The following BCL3 variants were observed in gnomAD, a reference collection of about 807,000 sequenced individuals.
The protein encoded by BCL3 is BCL3 transcription coactivator.
A neutral mutation model predicts 35.7 loss-of-function variants in BCL3; 15 were observed. The ratio of observed to expected loss-of-function variants is 0.42; its 90% CI spans 0.28 to 0.65. The LOEUF is 0.65. BCL3 is among the 30% of genes least tolerant of loss of function. BCL3 has a pLI of 0.22. For synonymous variants in BCL3, 311 were observed against 284.3 expected, an observed-to-expected ratio of 1.09 and a Z score of -0.95; for missense variants, 565 against 641.7, an observed-to-expected ratio of 0.88 and a Z score of 1.29.
upstream of BCL3, among the ~76,000 whole-genome samples, chr19:44,748,317 A>G (rs985930932): frequency 6.6e-6 from 1 of 152,206 alleles, no homozygotes; most frequent in Non-Finnish European, 1.5e-5. Context: ...CTACTCAGAC[A>G]GGAGAACCAG....
chr19:44,756,509 G>A (rs1343979761), intron 3 of BCL3, among the ~76,000 whole-genome samples, 169 bp downstream of exon 3: 1 of 149,742 alleles, frequency 6.7e-6, no homozygotes, highest in South Asian at 2.1e-4. Context: ...ATGGAGGAGG[G>A]CTGCGGGCCT....
Position 44,757,411 on chromosome 19 carries a change from C to G in BCL3, c.809C>G (p.Ala270Gly). 3.8e-6 allele frequency: 6 copies of G among 1,593,474 alleles called. No individual in the cohort carries two copies. The highest frequency in any genetic ancestry group is 5.1e-6 in the Non-Finnish European group (6 of 1,170,786). The change falls in exon 5 of 9, where the codon GCA becomes GGA. Residue 270 changes from alanine (A) to glycine (G), a missense_variant. Around this residue, in one of 5 missense-constraint regions of BCL3, gnomAD observed 103 missense variants for 106.7 expected, o/e 0.97. Coordinates refer to ENST00000164227, the MANE Select transcript of BCL3 (RefSeq NM_005178.5). This position sits in a 1 kb window ranked among gnomAD's most constrained non-coding sequence, Gnocchi z 8.4. ...LLLERGADID[A>G]VDIKSGRSPL... ...CTAGAGCGCGGTGCCGACATCGACG[C>G]AGTGGTGAGCGTGCACTAGGAGCTG...
At chr19:44,747,713 C>T, upstream of BCL3, 1 of 649,906 alleles carries the variant, frequency 1.5e-6, no homozygotes, top group East Asian at 5.5e-5. Flanking sequence ...CCAAACTGCT[C>T]CCCGCTCCTG....
chr19:44,748,751 C>T lies in BCL3; in HGVS notation c.-40C>T. Reference sequence around the variant, plus strand: ...CGGCGAAACCACCCTCCCGTGCAGCCGAGCCCAGCCGCTCTCCGGCCGCCG... The same window carrying T: ...CGGCGAAACCACCCTCCCGTGCAGCTGAGCCCAGCCGCTCTCCGGCCGCCG... On this transcript the variant is annotated 5_prime_UTR_variant, in exon 1 of 9. Coordinates refer to ENST00000164227, the MANE Select transcript of BCL3 (RefSeq NM_005178.5). The T allele has an allele frequency of 9.2e-7, 1 of 1,085,038 alleles. No individual in the cohort carries two copies. The highest frequency in any genetic ancestry group is 1.1e-6 in the Non-Finnish European group (1 of 894,236). The allele number at this position is 1,085,038 out of a possible 1,614,324, so 67.2% of individuals were successfully genotyped here.
Position 44,757,395 on chromosome 19 carries a change from G to T in BCL3, c.793G>T (p.Gly265Cys). The change falls in exon 5 of 9, where the codon GGT becomes TGT. Residue 265 changes from glycine (G) to cysteine (C), a missense_variant. Gly to Cys is a radical substitution (Grantham distance 159). Coordinates refer to ENST00000164227, the MANE Select transcript of BCL3 (RefSeq NM_005178.5). The surrounding 1 kb of genome is among the most constrained non-coding windows in gnomAD (Gnocchi z 8.4). ...AACCGTGCAGCTCTTGCTAGAGCGC[G>T]GTGCCGACATCGACGCAGTGGTGAG... Reference protein sequence around the residue: ...QETVQLLLERGADIDAVDIKS... With the variant: ...QETVQLLLERCADIDAVDIKS... The T allele has an allele frequency of 6.2e-7, 1 of 1,602,698 alleles. No homozygotes were observed. Among genetic ancestry groups the T allele is most frequent in the Non-Finnish European group, 8.5e-7 (1 of 1,174,858 alleles).
At position 44,757,564 on chromosome 19, in the gene BCL3, C is replaced by T. The variant is rs1599843208; in HGVS notation, c.814-82C>T. 1.9e-6 allele frequency: 3 copies of T among 1,555,874 alleles called. No individual in the cohort carries two copies. The highest frequency in any genetic ancestry group is 2.7e-6 in the Non-Finnish European group (3 of 1,132,046). ...GACCCAAGAGAGAGGCTGGACCCCG[C>T]GAATGGGATGTGGACGGGATGCGGG... On this transcript the variant is annotated intron_variant, in intron 5 of 8. Coordinates refer to ENST00000164227, the MANE Select transcript of BCL3 (RefSeq NM_005178.5). This position sits in a 1 kb window ranked among gnomAD's most constrained non-coding sequence, Gnocchi z 8.4.
At chr19:44,756,021 G>A (rs1478736346) in intron 2 of BCL3, 5 of 382,732 alleles carry the variant, frequency 1.3e-5, no homozygotes, top group Non-Finnish European at 2.3e-5. Flanking sequence ...GGATGGAACT[G>A]TACTAGACCA....
chr19:44,759,220 C>T (rs1410140421), intron 8 of BCL3, among the ~76,000 whole-genome samples: 17 of 146,422 alleles, frequency 1.2e-4, no homozygotes, highest in Admixed American at 6.1e-4. Context: ...TTCTGACCCC[C>T]GGCCCCTCTT....
chr19:44,756,476 T>C (rs921117516), intron 3 of BCL3, 136 bp downstream of exon 3: 15 of 593,282 alleles, frequency 2.5e-5, no homozygotes, highest in Non-Finnish European at 3.9e-5. Flanking sequence ...GAGGAGGGAC[T>C]GGTGCCTGGA....
chr19:44,757,675 C>G lies in BCL3; in HGVS notation c.843C>G (p.Ile281Met). ...VDIKSGRSPL[I>M]HAVENNSLSM... is the part of the protein sequence containing the mutation. ...TTAAGAGCGGCCGCTCCCCGCTCAT[C>G]CACGCCGTGGAAAACAACAGCCTTA... The change falls in exon 6 of 9, where the codon ATC becomes ATG. Residue 281 changes from isoleucine to methionine, a missense_variant. This residue lies in a region of BCL3 where 103 missense variants were observed against 106.7 expected (regional missense o/e 0.97). Transcript: ENST00000164227. The surrounding 1 kb of genome is among the most constrained non-coding windows in gnomAD (Gnocchi z 8.4). The G allele has an allele frequency of 6.2e-7, 1 of 1,613,928 alleles. No homozygotes were observed. The highest frequency in any genetic ancestry group is 8.5e-7 in the Non-Finnish European group (1 of 1,179,922).
rs1967374814 is a variant in BCL3 at position 44,759,334 on chromosome 19, C to A, written c.1178-94C>A. 3 of 931,904 alleles carry A rather than the reference C, an allele frequency of 3.2e-6. No homozygotes were observed. The East Asian group carries it at 8.2e-5, about 25-fold the overall frequency. The allele number at this position is 931,904 out of a possible 1,614,324, so 57.7% of individuals were successfully genotyped here. On this transcript the variant is annotated intron_variant, in intron 8 of 8. Coordinates refer to ENST00000164227, the MANE Select transcript of BCL3 (RefSeq NM_005178.5). Reference sequence around the variant, plus strand: ...TCAGACCCGAGTCCAGACCCCCAGCCCCTCCTCCCTCAGACCCAGATCTCA... The same window carrying A: ...TCAGACCCGAGTCCAGACCCCCAGCACCTCCTCCCTCAGACCCAGATCTCA...
intron 8 of BCL3, 25 bp from the exon 9 acceptor site, chr19:44,759,403 C>T (rs1351708778): frequency 6.4e-7 from 1 of 1,561,310 alleles, no homozygotes; most frequent in South Asian, 1.1e-5. Flanking sequence ...CACCACCCAC[C>T]CCTCTGTCTC....
rs1359081851 is a variant in BCL3 at position 44,748,965 on chromosome 19, C to A, written c.175C>A (p.Pro59Thr). The A allele has an allele frequency of 4.4e-6, 6 of 1,369,930 alleles. No homozygotes were observed. In the Admixed American group the frequency reaches 1.2e-4, roughly 28 times the overall value. 84.9% of individuals were successfully genotyped at this position (1,369,930 alleles called of 1,614,324 possible). Reference protein sequence around the residue: ...GAAGLVVPLDPLRGGCDLPAV... With the variant: ...GAAGLVVPLDTLRGGCDLPAV... ...TGCGGGCCTTGTCGTCCCCCTGGACCCTCTGCGCGGCGGCTGCGACCTGCC... is the reference window on the plus strand; with the variant it reads ...TGCGGGCCTTGTCGTCCCCCTGGACACTCTGCGCGGCGGCTGCGACCTGCC... Residue 59 changes from proline (P) to threonine (T), a missense_variant, in exon 1 of 9, where the codon CCT (proline) becomes ACT (threonine). Around this residue, in one of 5 missense-constraint regions of BCL3, gnomAD observed 267 missense variants for 281.5 expected, o/e 0.95. Transcript: ENST00000164227.
Position 44,759,718 on chromosome 19 carries a change from C to CG in BCL3, c.*103_*104insG, listed in dbSNP as rs1967390055. On this transcript the variant is annotated 3_prime_UTR_variant, in exon 9 of 9. Coordinates refer to ENST00000164227, the MANE Select transcript of BCL3 (RefSeq NM_005178.5). ...GAAGATCTCACTCTGCCCCCCCCCC[C>CG]CATCTTCGGGACCAGGATTTGCACA... 3.2e-5 allele frequency: 20 copies of CG among 633,764 alleles called. No individual in the cohort carries two copies. The highest frequency in any genetic ancestry group is 4.6e-5 in the Non-Finnish European group (18 of 388,370). The allele number at this position is 633,764 out of a possible 1,614,324, so 39.3% of individuals were successfully genotyped here.
rs769477178 is a variant in BCL3 at position 44,757,636 on chromosome 19, C to T, written c.814-10C>T. The T allele has an allele frequency of 3.1e-6, 5 of 1,613,546 alleles. No individual in the cohort carries two copies. The highest frequency in any genetic ancestry group is 4.2e-6 in the Non-Finnish European group (5 of 1,179,756). On this transcript the variant is annotated splice_polypyrimidine_tract_variant and intron_variant, in intron 5 of 8. Coordinates refer to ENST00000164227, the MANE Select transcript of BCL3 (RefSeq NM_005178.5). The surrounding 1 kb of genome is among the most constrained non-coding windows in gnomAD (Gnocchi z 8.4). ...CTTGGAGAAACTAAGACCTTCCCTCCCCGCCGCAGGACATTAAGAGCGGCC... is the reference window on the plus strand; with the variant it reads ...CTTGGAGAAACTAAGACCTTCCCTCTCCGCCGCAGGACATTAAGAGCGGCC...
At position 44,755,948 on chromosome 19, in the gene BCL3, G is replaced by C. The variant is rs146615243; in HGVS notation, c.411-284G>C. ...AAATAAAATAAAATAAAATAAAAGGGTCCCTCTGGCTGTTGTGTGGGGGAC... is the reference window on the plus strand; with the variant it reads ...AAATAAAATAAAATAAAATAAAAGGCTCCCTCTGGCTGTTGTGTGGGGGAC... On this transcript the variant is annotated intron_variant, in intron 2 of 8. Transcript: ENST00000164227. Among the ~76,000 whole-genome samples the C allele has an allele frequency of 7.2e-3, 1,094 of 151,450 alleles. 17 individuals are homozygous for C. The highest frequency in any genetic ancestry group is 0.025 in the African/African-American group (1,028 of 41,192).
intron 1 of BCL3, 22 bp downstream of exon 1, chr19:44,749,068 G>A (rs1394936283): frequency 4.0e-6 from 5 of 1,256,980 alleles, no homozygotes; most frequent in South Asian, 1.9e-5. Flanking sequence ...CCGAGGGTCC[G>A]GGCCGGGTGG....
Position 44,758,860 on chromosome 19 carries a change from C to A in BCL3, c.1177+19C>A, listed in dbSNP as rs781096474. 7.1e-6 allele frequency: 11 copies of A among 1,554,844 alleles called. No individual in the cohort carries two copies. In the Middle Eastern group the frequency reaches 5.2e-4, roughly 73 times the overall value. On this transcript the variant is annotated intron_variant, in intron 8 of 8. Coordinates refer to ENST00000164227, the MANE Select transcript of BCL3 (RefSeq NM_005178.5). ...TCCAATGGTGAGAAACCGTTCCCAA[C>A]CTCCAGCCCTGGCGCCTCCTCCCTC...
At chr19:44,750,592 C>T (rs1967159977) in intron 1 of BCL3, among the ~76,000 whole-genome samples, 2 of 152,210 alleles carry the variant, frequency 1.3e-5, no homozygotes, top group African/African-American at 2.4e-5. Context: ...AGCCACAGCG[C>T]CCGGCCTGCC....
Sources: allele counts gnomAD v4.1 joint callset (sites outside exome capture counted in the v4.1 genomes callset), GRCh38; gene constraint gnomAD v4.1.1; regional missense constraint gnomAD v4.1.1; non-coding constraint Gnocchi (gnomAD v3.1); transcripts MANE v1.5; gene names NCBI Gene and HGNC (gene_info 2026-07-23, HGNC 2026-07-21).